Variants in ACOT13 observed in about 807,000 individuals in gnomAD.
ACOT13 encodes acyl-CoA thioesterase 13.
In ACOT13, 10 loss-of-function variants were observed where a neutral mutation model predicts 11.8. That is an observed-to-expected ratio of 0.85 (90% CI 0.53 to 1.44). ACOT13 has a LOEUF of 1.44. Ranked by LOEUF, ACOT13 falls within the 40% of genes most tolerant of loss-of-function variation. ACOT13 has a pLI of 0.00. For synonymous variants in ACOT13, 53 were observed against 61.0 expected (o/e 0.87, Z 0.61); for missense variants, 172 against 174.1 (o/e 0.99, Z 0.07).
intron 1 of ACOT13, among the ~76,000 whole-genome samples, chr6:24,671,645 C>T (rs1294738199): frequency 2.6e-5 from 4 of 151,730 alleles, no homozygotes; most frequent in African/African-American, 7.3e-5. Context: ...AAAACATTAT[C>T]AAGAATAAAT....
chr6:24,704,938 T>C lies in ACOT13; in HGVS notation c.*3323T>C, dbSNP rs1778974040. The C allele has an allele frequency of 6.6e-6, 1 of 152,380 alleles. No homozygotes were observed. The highest frequency in any genetic ancestry group is 2.4e-5 in the African/African-American group (1 of 41,416). The allele number at this position is 152,380 out of a possible 1,614,324, so 9.4% of individuals were successfully genotyped here. A position where few individuals can be genotyped will look rare whatever the true frequency, so the allele number is the denominator to read the frequency against. On this transcript the variant is annotated 3_prime_UTR_variant, in exon 3 of 3. Coordinates refer to ENST00000230048, the MANE Select transcript of ACOT13 (RefSeq NM_018473.4). ...TTCTTTTTCTTTTTTTCTTTTTTTT[T>C]CAAATTCCAACCAGAAGCTAAATAC...
At chr6:24,699,556 G>A (rs1778861069) in intron 2 of ACOT13, among the ~76,000 whole-genome samples, 1 of 152,228 alleles carries the variant, frequency 6.6e-6, no homozygotes, top group South Asian at 2.1e-4. Context: ...GTTTACTTAA[G>A]AAACATTCAG....
intron 1 of ACOT13, among the ~76,000 whole-genome samples, chr6:24,697,064 G>A (rs1353943514): frequency 6.6e-6 from 1 of 152,132 alleles, no homozygotes; most frequent in African/African-American, 2.4e-5. Flanking sequence ...GTGAGCCACC[G>A]TGCCCAGCCA....
intron 1 of ACOT13, among the ~76,000 whole-genome samples, chr6:24,691,995 A>G (rs1298105840): frequency 6.6e-6 from 1 of 152,240 alleles, no homozygotes; most frequent in Non-Finnish European, 1.5e-5. Flanking sequence ...TTGAGACTAA[A>G]CATGGGGATG....
intron 1 of ACOT13, among the ~76,000 whole-genome samples, chr6:24,672,665 A>G (rs559727884): frequency 6.6e-6 from 1 of 152,274 alleles, no homozygotes; most frequent in African/African-American, 2.4e-5. Flanking sequence ...AACAAAAGAT[A>G]TAACTTCCAT....
At chr6:24,697,831 G>T in intron 1 of ACOT13, 52 bp from the exon 2 acceptor site, 1 of 1,441,462 alleles carries the variant, frequency 6.9e-7, no homozygotes, top group South Asian at 1.5e-5. Flanking sequence ...GGCTTTTTTG[G>T]CTTTTCTAAT....
At position 24,682,998 on chromosome 6, in the gene ACOT13, G is replaced by A. The variant is rs920148448; in HGVS notation, c.82-14885G>A. Among the ~76,000 whole-genome samples, 3 of 152,176 alleles carry A rather than the reference G, an allele frequency of 2.0e-5. No homozygotes were observed. The East Asian group carries it at 5.8e-4, about 29-fold the overall frequency. On this transcript the variant is annotated intron_variant, in intron 1 of 2. Transcript: ENST00000230048. ...GAGCTCTCTGATTGGTTGGGTGTGAGCTAAGTTGCAAGCCCCGTGTTTAAA... is the reference window on the plus strand; with the variant it reads ...GAGCTCTCTGATTGGTTGGGTGTGAACTAAGTTGCAAGCCCCGTGTTTAAA...
rs371158937 is a variant in ACOT13, at chr6:24,697,100, G to A, written c.82-783G>A. Among the ~76,000 whole-genome samples the A allele has an allele frequency of 3.4e-4, 51 of 152,166 alleles. 2 individuals carry two copies. The South Asian group carries it at 0.01, about 30-fold the overall frequency. On this transcript the variant is annotated intron_variant, in intron 1 of 2. Coordinates refer to ENST00000230048, the MANE Select transcript of ACOT13 (RefSeq NM_018473.4). ...AAAATCATAAAATTTTAAATGCATT[G>A]TTGCATATGTTTATCTTTCATGTAA...
At chr6:24,685,638 G>A (rs753820603) in intron 1 of ACOT13, among the ~76,000 whole-genome samples, 11 of 152,102 alleles carry the variant, frequency 7.2e-5, no homozygotes, top group Non-Finnish European at 1.5e-4. Flanking sequence ...AAGCCACCGC[G>A]CCCGGCCCTT....
intron 1 of ACOT13, among the ~76,000 whole-genome samples, chr6:24,691,192 T>C (rs922757852): frequency 1.3e-5 from 2 of 152,200 alleles, no homozygotes; most frequent in South Asian, 4.1e-4. Context: ...GGCATATTGT[T>C]ATAGAATGCT....
At chr6:24,697,382 A>G (rs762194266) in intron 1 of ACOT13, among the ~76,000 whole-genome samples, 7 of 152,058 alleles carry the variant, frequency 4.6e-5, no homozygotes, top group Non-Finnish European at 1.0e-4. Context: ...AACAGATCTC[A>G]GCTGGGTGGC....
At chr6:24,697,503 T>C (rs1253897818) in intron 1 of ACOT13, among the ~76,000 whole-genome samples, 1 of 152,094 alleles carries the variant, frequency 6.6e-6, no homozygotes, top group Admixed American at 6.5e-5. Context: ...ATTATTCTGC[T>C]TGTACAAAAC....
chr6:24,667,082 G>T lies in ACOT13; in HGVS notation c.-182G>T. 1 of 847,172 alleles carries T rather than the reference G, an allele frequency of 1.2e-6. No individual in the cohort carries two copies. The highest frequency in any genetic ancestry group is 1.8e-6 in the Non-Finnish European group (1 of 557,522). 52.5% of individuals were successfully genotyped at this position (847,172 alleles called of 1,614,324 possible). A position where few individuals can be genotyped will look rare whatever the true frequency, so the allele number is the denominator to read the frequency against. ...ACAAGGGTGCGAGGAAAGTCAGTGA[G>T]CAAATCGCGGACCACCGGGGCTGCC... On this transcript the variant is annotated 5_prime_UTR_variant, in exon 1 of 3. Coordinates refer to ENST00000230048, the MANE Select transcript of ACOT13 (RefSeq NM_018473.4).
At chr6:24,673,030 G>A (rs1562155087) in intron 1 of ACOT13, among the ~76,000 whole-genome samples, 1 of 152,090 alleles carries the variant, frequency 6.6e-6, no homozygotes, top group Non-Finnish European at 1.5e-5. Flanking sequence ...TTAGACCCAG[G>A]AGTCAAAGCC....
At chr6:24,697,255 C>T (rs144726514) in intron 1 of ACOT13, among the ~76,000 whole-genome samples, 42 of 152,178 alleles carry the variant, frequency 2.8e-4, no homozygotes, top group African/African-American at 9.4e-4. Context: ...TTTTTAAATG[C>T]TAGTAACTCA....
intron 1 of ACOT13, among the ~76,000 whole-genome samples, chr6:24,684,882 C>T (rs1302004780): frequency 2.0e-5 from 3 of 151,952 alleles, no homozygotes; most frequent in Admixed American, 1.3e-4. Context: ...CATGATAGTG[C>T]GTAGATGTGG....
At position 24,701,685 on chromosome 6, in the gene ACOT13, A is replaced by G. The variant is rs1778895561; in HGVS notation, c.*70A>G. The G allele has an allele frequency of 1.4e-6, 2 of 1,431,968 alleles. No homozygotes were observed. Among genetic ancestry groups the G allele is most frequent in the East Asian group, 4.9e-5 (2 of 41,090 alleles). 88.7% of individuals were successfully genotyped at this position (1,431,968 alleles called of 1,614,324 possible). On this transcript the variant is annotated 3_prime_UTR_variant, in exon 3 of 3. Transcript: ENST00000230048. Reference sequence around the variant, plus strand: ...GTATAGATTTGACTCAAACAATTGTAATTTTTGAAATAAACTAGCAAAACC... The same window carrying G: ...GTATAGATTTGACTCAAACAATTGTGATTTTTGAAATAAACTAGCAAAACC...
chr6:24,686,576 TTTC>T (rs969238957), intron 1 of ACOT13, among the ~76,000 whole-genome samples: 1 of 151,746 alleles, frequency 6.6e-6, no homozygotes, highest in African/African-American at 2.4e-5. Flanking sequence ...TCTATTCTTT[TTTC>T]TTTTCTTTCC....
At position 24,704,487 on chromosome 6, in the gene ACOT13, T is replaced by C. The variant is rs1286019795; in HGVS notation, c.*2872T>C. 6.6e-6 allele frequency: 1 copy of C among 152,248 alleles called. No homozygotes were observed. The highest frequency in any genetic ancestry group is 1.9e-4 in the East Asian group (1 of 5,200). 9.4% of individuals were successfully genotyped at this position (152,248 alleles called of 1,614,324 possible). A position where few individuals can be genotyped will look rare whatever the true frequency, so the allele number is the denominator to read the frequency against. On this transcript the variant is annotated 3_prime_UTR_variant, in exon 3 of 3. Transcript: ENST00000230048. The stretch of plus-strand genomic sequence containing the variant: ...TCCTCCACTACTTATGATCTGAGCT[T>C]GAGCAAGTTACTTAACCTCTGCATC...
Sources: gnomAD v4.1 joint callset for allele counts (sites outside exome capture counted in the v4.1 genomes callset) on GRCh38, gnomAD v4.1.1 for gene constraint, MANE v1.5 for transcripts, NCBI Gene and HGNC (gene_info 2026-07-23, HGNC 2026-07-21) for gene names.